Variants in GABRG3 observed in about 807,000 individuals in gnomAD.
GABRG3 encodes gamma-aminobutyric acid receptor subunit gamma-3.
In GABRG3, 25 loss-of-function variants were observed where a neutral mutation model predicts 48.8. The ratio of observed to expected loss-of-function variants is 0.51; its 90% CI spans 0.37 to 0.72. GABRG3 has a LOEUF of 0.72. GABRG3 is among the 30% of genes least tolerant of loss of function. The probability of loss-of-function intolerance (pLI) is 0.00; values close to 1 mark genes in which losing one functional copy is unlikely to be tolerated. For missense variants in GABRG3, 394 were observed against 577.9 expected (o/e 0.68, Z 3.26); for synonymous variants, 227 against 217.6 (o/e 1.04, Z -0.38).
intron 3 of GABRG3, chr15:27,271,549 G>T (rs1234553303): frequency 1.1e-5 from 5 of 455,904 alleles, no homozygotes; most frequent in Non-Finnish European, 1.8e-5. Context: ...CCAGAAGCTG[G>T]GGTGAGGGGT....
At chr15:27,140,331 T>C (rs1898081403) in intron 3 of GABRG3, among the ~76,000 whole-genome samples, 1 of 152,112 alleles carries the variant, frequency 6.6e-6, no homozygotes, top group Non-Finnish European at 1.5e-5. Context: ...GACACCCAGC[T>C]GGTGTCCATT....
chr15:27,403,803 T>C lies in GABRG3; in HGVS notation c.574+74915T>C, dbSNP rs368548692. 2.5e-3 allele frequency among the ~76,000 whole-genome samples: 366 copies of C among 146,614 alleles called. 5 individuals carry two copies. The highest frequency in any genetic ancestry group is 7.7e-3 in the Middle Eastern group (2 of 260). On this transcript the variant is annotated intron_variant, in intron 5 of 9. Coordinates refer to ENST00000615808, the MANE Select transcript of GABRG3 (RefSeq NM_033223.5). ...AGTGCGCGCCTGTAATCCCAGCTACTCAGGAGGCTGAGGCAGGAGAATCGC... is the reference window on the plus strand; with the variant it reads ...AGTGCGCGCCTGTAATCCCAGCTACCCAGGAGGCTGAGGCAGGAGAATCGC...
chr15:27,528,325 T>A (rs1195946964), intron 9 of GABRG3, among the ~76,000 whole-genome samples: 1 of 152,204 alleles, frequency 6.6e-6, no homozygotes, highest in Non-Finnish European at 1.5e-5. Flanking sequence ...CTTTTATAAC[T>A]CAAAAATATG....
intron 3 of GABRG3, among the ~76,000 whole-genome samples, chr15:27,247,504 A>G (rs1890305710): frequency 1.3e-5 from 2 of 152,236 alleles, no homozygotes; most frequent in South Asian, 4.1e-4. Flanking sequence ...CCTGAATGGC[A>G]TGCTTATTCT....
intron 3 of GABRG3, among the ~76,000 whole-genome samples, chr15:27,308,060 A>T (rs1052832911): frequency 1.5e-5 from 2 of 134,276 alleles, no homozygotes; most frequent in African/African-American, 2.9e-5. Flanking sequence ...ATATAAACAT[A>T]TATAAACATA....
intron 5 of GABRG3, among the ~76,000 whole-genome samples, chr15:27,411,180 A>C (rs867222419): frequency 1.3e-5 from 2 of 151,908 alleles, no homozygotes; most frequent in Non-Finnish European, 2.9e-5. Context: ...TCAGGCATCC[A>C]GGATGTTAAA....
chr15:27,136,792 C>T (rs558393403), intron 3 of GABRG3, among the ~76,000 whole-genome samples: 18 of 152,306 alleles, frequency 1.2e-4, no homozygotes, highest in Non-Finnish European at 1.9e-4. Context: ...GTCACAACAT[C>T]TCACAATTCC....
At chr15:27,512,721 C>A (rs1173312758) in intron 6 of GABRG3, among the ~76,000 whole-genome samples, 1 of 152,208 alleles carries the variant, frequency 6.6e-6, no homozygotes, top group Non-Finnish European at 1.5e-5. Context: ...AAAGAACTCA[C>A]AAACAGGGCT....
intron 3 of GABRG3, among the ~76,000 whole-genome samples, chr15:27,248,450 C>T (rs1042034536): frequency 1.3e-4 from 20 of 152,104 alleles, no homozygotes; most frequent in African/African-American, 4.8e-4. Flanking sequence ...CTGAGTATAC[C>T]ATGTACAATG....
At chr15:27,062,796 C>T (rs1412914389) in intron 3 of GABRG3, among the ~76,000 whole-genome samples, 2 of 152,084 alleles carry the variant, frequency 1.3e-5, no homozygotes, top group Admixed American at 6.6e-5. Context: ...CTAGTTAATG[C>T]TCCATTAATT....
intron 5 of GABRG3, among the ~76,000 whole-genome samples, chr15:27,401,587 T>A (rs1366486937): frequency 4.6e-5 from 7 of 152,216 alleles, no homozygotes; most frequent in Non-Finnish European, 8.8e-5. Flanking sequence ...TCTCACTCCC[T>A]TACCCCTGTG....
intron 5 of GABRG3, among the ~76,000 whole-genome samples, chr15:27,372,929 A>G (rs1788173922): frequency 6.6e-6 from 1 of 152,180 alleles, no homozygotes; most frequent in African/African-American, 2.4e-5. Flanking sequence ...CTTCTCAGCT[A>G]CATTGCTTGG....
rs148163505 is a variant in GABRG3 at position 27,517,538 on chromosome 15, A to G, written c.713-2434A>G. ...AGAAAGCAGGTGGATTTGCTGTAAT[A>G]AATTGTGCGTCTTGTCTGGAGTTGT... On this transcript the variant is annotated intron_variant, in intron 6 of 9. Coordinates refer to ENST00000615808, the MANE Select transcript of GABRG3 (RefSeq NM_033223.5). Among the ~76,000 whole-genome samples the G allele has an allele frequency of 9.2e-5, 14 of 152,328 alleles. No homozygotes were observed. The East Asian group carries it at 1.9e-3, about 21-fold the overall frequency.
At chr15:27,510,532 C>T (rs1890871974) in intron 6 of GABRG3, among the ~76,000 whole-genome samples, 1 of 152,170 alleles carries the variant, frequency 6.6e-6, no homozygotes. Context: ...TTCTGTCATC[C>T]TCTCCCAGGC....
chr15:27,185,130 A>G (rs1474127564), intron 3 of GABRG3, among the ~76,000 whole-genome samples: 1 of 151,934 alleles, frequency 6.6e-6, no homozygotes, highest in Admixed American at 6.6e-5. Context: ...AATTTAAATT[A>G]TTGATTTGAG....
intron 3 of GABRG3, among the ~76,000 whole-genome samples, chr15:27,307,240 TTATA>T (rs1001670688): frequency 6.4e-5 from 9 of 140,328 alleles, no homozygotes; most frequent in Non-Finnish European, 1.4e-4. Context: ...TATTATATGT[TTATA>T]TATAACCATG....
intron 3 of GABRG3, among the ~76,000 whole-genome samples, chr15:27,227,364 G>A (rs1461235051): frequency 1.3e-5 from 2 of 151,878 alleles, no homozygotes; most frequent in Non-Finnish European, 2.9e-5. Flanking sequence ...GGGCGTGGTG[G>A]TGTGCACCTG....
intron 3 of GABRG3, among the ~76,000 whole-genome samples, chr15:27,326,441 A>G (rs1195225099): frequency 6.6e-6 from 1 of 152,140 alleles, no homozygotes; most frequent in Non-Finnish European, 1.5e-5. Context: ...TATGTTCCCC[A>G]TTTTATAGAT....
rs1339133753 is a variant in GABRG3, at chr15:27,535,619, G to T, written c.*2738G>T. On this transcript the variant is annotated 3_prime_UTR_variant, in exon 10 of 10. Transcript: ENST00000615808. Reference sequence around the variant, plus strand: ...TATACAGCAGGCTCCCCACTAGGGGGTCTCAATAAAAAGAGCTAAAGCACC... The same window carrying T: ...TATACAGCAGGCTCCCCACTAGGGGTTCTCAATAAAAAGAGCTAAAGCACC... The T allele has an allele frequency of 6.6e-6, 1 of 152,160 alleles. No homozygotes were observed. The highest frequency in any genetic ancestry group is 1.5e-5 in the Non-Finnish European group (1 of 68,044). The allele number at this position is 152,160 out of a possible 1,614,324, so 9.4% of individuals were successfully genotyped here. A position where few individuals can be genotyped will look rare whatever the true frequency, so the allele number is the denominator to read the frequency against.
Sources: gnomAD v4.1 joint callset for allele counts (sites outside exome capture counted in the v4.1 genomes callset) on GRCh38, gnomAD v4.1.1 for gene constraint, MANE v1.5 for transcripts, NCBI Gene and HGNC (gene_info 2026-07-23, HGNC 2026-07-21) for gene names.